KIAA0586: variants seen among roughly 807,000 people sequenced by gnomAD.
The protein encoded by KIAA0586 is protein TALPID3.
In KIAA0586, 144 loss-of-function variants were observed where a neutral mutation model predicts 169.8. The observed-to-expected ratio is 0.85, with a 90% CI of 0.74 to 0.97. KIAA0586 has a LOEUF of 0.97. Ranked by LOEUF, KIAA0586 falls within the 50% of genes least tolerant of loss-of-function variation. The probability of loss-of-function intolerance (pLI) is 0.00; values close to 1 mark genes in which losing one functional copy is unlikely to be tolerated. For synonymous variants in KIAA0586, 625 were observed against 612.4 expected (o/e 1.02, Z -0.30); for missense variants, 1,854 against 1,823.0 (o/e 1.02, Z -0.31).
At chr14:58,497,062 C>A (rs1175157723) in intron 26 of KIAA0586, among the ~76,000 whole-genome samples, 4 of 151,734 alleles carry the variant, frequency 2.6e-5, no homozygotes, top group African/African-American at 7.3e-5. Flanking sequence ...ACAACCTCCA[C>A]CTCCTGGGTT....
chr14:58,511,449 G>A (rs1479837839), intron 28 of KIAA0586, among the ~76,000 whole-genome samples: 1 of 152,146 alleles, frequency 6.6e-6, no homozygotes, highest in Non-Finnish European at 1.5e-5. Flanking sequence ...CTTGCCCAAG[G>A]TCAAAGCTAG....
chr14:58,444,708 G>A (rs1208145078), intron 6 of KIAA0586, among the ~76,000 whole-genome samples: 1 of 152,016 alleles, frequency 6.6e-6, no homozygotes, highest in Non-Finnish European at 1.5e-5. Context: ...ACCTGCGTGA[G>A]CTGCCATGCC....
chr14:58,552,673 G>C (rs779480098), downstream of KIAA0586, among the ~76,000 whole-genome samples: 9 of 152,152 alleles, frequency 5.9e-5, no homozygotes, highest in Non-Finnish European at 1.0e-4. Flanking sequence ...CTTCTGAAGA[G>C]ACCCAAATGA....
Position 58,492,207 on chromosome 14 carries a change from G to A in KIAA0586, c.3922G>A (p.Ala1308Thr). The A allele has an allele frequency of 6.4e-7, 1 of 1,550,508 alleles. No individual in the cohort carries two copies. The highest frequency in any genetic ancestry group is 8.7e-7 in the Non-Finnish European group (1 of 1,146,288). ...RMSHKKFHAD[A>T]ILSFAKQNQE... ...GTCCCATAAAAAATTTCATGCAGAT[G>A]CAATTCTTTCTTTTGCTAAACAAAA... The change falls in exon 26 of 31, where the codon GCA becomes ACA. Residue 1308 changes from alanine to threonine, a missense_variant. Physicochemically the swap from Ala to Thr is moderately conservative, Grantham distance 58. Transcript: ENST00000652326.
chr14:58,465,858 A>T lies in KIAA0586; in HGVS notation c.2083A>T (p.Thr695Ser). 1.2e-6 allele frequency: 2 copies of T among 1,609,630 alleles called. No homozygotes were observed. The highest frequency in any genetic ancestry group is 2.2e-5 in the South Asian group (2 of 90,270). ...AGGCACTAAGGTAAAGTCAATAAGAACACAGACTGACTTCTATGCAACAAA... is the reference window on the plus strand; with the variant it reads ...AGGCACTAAGGTAAAGTCAATAAGATCACAGACTGACTTCTATGCAACAAA... ...VKGTKVKSIRTQTDFYATKPK... is the reference protein window; with the variant it reads ...VKGTKVKSIRSQTDFYATKPK... Residue 695 changes from threonine to serine, a missense_variant, in exon 15 of 31, where the codon ACA (threonine) becomes TCA (serine). Thr to Ser is a moderately conservative substitution (Grantham distance 58, BLOSUM62 1). Transcript: ENST00000652326.
In KIAA0586 at chr14:58,427,725, G is replaced by A. The variant is rs2036940985; in HGVS notation, c.-540G>A. The A allele has an allele frequency of 4.6e-6, 7 of 1,534,850 alleles. No individual in the cohort carries two copies. The highest frequency in any genetic ancestry group is 6.1e-6 in the Non-Finnish European group (7 of 1,146,794). On this transcript the variant is annotated 5_prime_UTR_variant, in exon 1 of 31. Coordinates refer to ENST00000652326, the MANE Select transcript of KIAA0586 (RefSeq NM_001329943.3). ...TGACCTGCGGGCAACTGACGCTGTT[G>A]TCAGATTACACCCACGACGGTGCGG...
At chr14:58,435,510 T>C (rs1363743412) in intron 4 of KIAA0586, among the ~76,000 whole-genome samples, 4 of 152,158 alleles carry the variant, frequency 2.6e-5, no homozygotes, top group Non-Finnish European at 1.5e-5. Flanking sequence ...AACACATTAT[T>C]GTTAACTATA....
intron 29 of KIAA0586, chr14:58,521,209 C>T: frequency 1.1e-6 from 1 of 890,818 alleles, no homozygotes. Flanking sequence ...TGAGAAGCCT[C>T]ATCATCCAAC....
At position 58,478,192 on chromosome 14, in the gene KIAA0586, AT is replaced by A. The variant is rs555569577; in HGVS notation, c.2944+955del. Among the ~76,000 whole-genome samples, 73 of 152,214 alleles carry A rather than the reference AT, an allele frequency of 4.8e-4. 2 individuals are homozygous for A. In the South Asian group the frequency reaches 6.4e-3, roughly 13 times the overall value. ...GCACCACCATGCCCAGCTAAAAATC[AT>A]TTTGGGTCCAGGCACACAGTGGCTC... On this transcript the variant is annotated intron_variant, in intron 20 of 30. Coordinates refer to ENST00000652326, the MANE Select transcript of KIAA0586 (RefSeq NM_001329943.3).
Position 58,481,595 on chromosome 14 carries a change from T to A in KIAA0586, c.2945-918T>A, listed in dbSNP as rs1357284890. 2.0e-5 allele frequency among the ~76,000 whole-genome samples: 3 copies of A among 152,200 alleles called. No homozygotes were observed. The East Asian group carries it at 5.8e-4, about 29-fold the overall frequency. ...GTTGTATTCAGATGAGGGCATTTAATGTGCCCATTTTTATCACTAAATTCT... is the reference window on the plus strand; with the variant it reads ...GTTGTATTCAGATGAGGGCATTTAAAGTGCCCATTTTTATCACTAAATTCT... On this transcript the variant is annotated intron_variant, in intron 20 of 30. Coordinates refer to ENST00000652326, the MANE Select transcript of KIAA0586 (RefSeq NM_001329943.3).
downstream of KIAA0586, among the ~76,000 whole-genome samples, chr14:58,552,364 T>A (rs1470408196): frequency 2.0e-5 from 3 of 152,166 alleles, no homozygotes; most frequent in Non-Finnish European, 4.4e-5. Context: ...AATTTTTTCT[T>A]CTTGTCCTGA....
chr14:58,536,613 G>A (rs959986918), intron 29 of KIAA0586, among the ~76,000 whole-genome samples: 13 of 152,146 alleles, frequency 8.5e-5, no homozygotes, highest in Admixed American at 7.9e-4. Flanking sequence ...TATTTGAAAT[G>A]AAAAGCTAAA....
intron 29 of KIAA0586, among the ~76,000 whole-genome samples, chr14:58,538,339 C>A (rs1038977100): frequency 6.6e-6 from 1 of 152,116 alleles, no homozygotes; most frequent in African/African-American, 2.4e-5. Context: ...ATGTATTGCC[C>A]AGCATAATGA....
Position 58,428,078 on chromosome 14 carries a change from G to T in KIAA0586, c.-187G>T. The stretch of plus-strand genomic sequence containing the variant: ...TTAATAGACTGAGTGGGATTAATGG[G>T]TAAATATGACTTTATAGTCAGCTCT... On this transcript the variant is annotated 5_prime_UTR_variant, in exon 1 of 31. Coordinates refer to ENST00000652326, the MANE Select transcript of KIAA0586 (RefSeq NM_001329943.3). 6.9e-7 allele frequency: 1 copy of T among 1,448,294 alleles called. No individual in the cohort carries two copies. Among genetic ancestry groups the T allele is most frequent in the Non-Finnish European group, 9.0e-7 (1 of 1,106,314 alleles). 89.7% of individuals were successfully genotyped at this position (1,448,294 alleles called of 1,614,324 possible).
In KIAA0586 at chr14:58,428,279, G is replaced by A. The variant is rs199554737; in HGVS notation, c.15G>A (p.Glu5=). 6.2e-7 allele frequency: 1 copy of A among 1,613,622 alleles called. No individual in the cohort carries two copies. The highest frequency in any genetic ancestry group is 8.5e-7 in the Non-Finnish European group (1 of 1,179,730). Residue 5 remains glutamate, a synonymous_variant, in exon 1 of 31, where the codon GAG becomes GAA. Transcript: ENST00000652326. The part of the protein sequence containing the change: MKGS[E]VSLEKKKKIK... The stretch of plus-strand genomic sequence containing the variant: ...TGACCAACAATATGAAAGGCTCTGA[G>A]GTCAGCTTGGAGAAGAAAAAAAAGA...
chr14:58,508,481 G>A (rs2044156802), intron 27 of KIAA0586, 74 bp from the exon 28 acceptor site: 1 of 1,198,642 alleles, frequency 8.3e-7, no homozygotes, highest in African/African-American at 1.5e-5. Flanking sequence ...GGTGGTTTTA[G>A]TCAACTACTT....
At chr14:58,477,391 T>A (rs1239129925) in intron 20 of KIAA0586, 150 bp downstream of exon 20, 1 of 571,812 alleles carries the variant, frequency 1.7e-6, no homozygotes, top group East Asian at 2.8e-5. Flanking sequence ...TTGGTGATGG[T>A]TAGTTCTCTC....
rs369318614 is a variant in KIAA0586, at chr14:58,488,806, A to T, written c.3713A>T (p.Glu1238Val). The T allele has an allele frequency of 1.9e-6, 3 of 1,613,802 alleles. No homozygotes were observed. In the African/African-American group the frequency reaches 4.0e-5, roughly 22 times the overall value. Reference protein sequence around the residue: ...STLSVTVTETETLDKPISEGE... With the variant: ...STLSVTVTETVTLDKPISEGE... ...TTGAGTGTTACTGTCACTGAAACTG[A>T]AACTTTAGATAAACCCATCTCTGAA... is the stretch of plus-strand genomic sequence containing the variant. Residue 1238 changes from glutamate to valine, a missense_variant, in exon 24 of 31, where the codon GAA becomes GTA. Transcript: ENST00000652326.
rs565524539 is a variant in KIAA0586 at position 58,427,730 on chromosome 14, A to G, written c.-535A>G. 2.2e-5 allele frequency: 34 copies of G among 1,534,532 alleles called. No individual in the cohort carries two copies. The highest frequency in any genetic ancestry group is 4.1e-5 in the African/African-American group (3 of 73,026). On this transcript the variant is annotated 5_prime_UTR_variant, in exon 1 of 31. Transcript: ENST00000652326. ...TGCGGGCAACTGACGCTGTTGTCAG[A>G]TTACACCCACGACGGTGCGGGTCTC...
Sources: allele counts gnomAD v4.1 joint callset (sites outside exome capture counted in the v4.1 genomes callset), GRCh38; gene constraint gnomAD v4.1.1; transcripts MANE v1.5; gene names NCBI Gene and HGNC (gene_info 2026-07-23, HGNC 2026-07-21).